NPAS3: variants seen among roughly 807,000 people sequenced by gnomAD.
NPAS3 encodes the protein neuronal PAS domain-containing protein 3.
NPAS3 carries 14 observed loss-of-function variants against 73.1 expected under a neutral mutation model. That is an observed-to-expected ratio of 0.19 (90% CI 0.13 to 0.30). NPAS3 has a LOEUF of 0.30. NPAS3 is among the 10% of genes least tolerant of loss of function. The pLI is 1.00. For synonymous variants in NPAS3, 620 were observed against 541.5 expected (o/e 1.14, Z -2.01); for missense variants, 1,096 against 1,250.0 (o/e 0.88, Z 1.86).
chr14:33,472,757 G>T (rs1594973570), intron 4 of NPAS3, among the ~76,000 whole-genome samples: 1 of 150,196 alleles, frequency 6.7e-6, no homozygotes. Context: ...CTGTGTGAAA[G>T]CAGGTTTTGC....
chr14:33,742,466 C>G (rs1014458007), intron 7 of NPAS3, among the ~76,000 whole-genome samples: 1 of 152,168 alleles, frequency 6.6e-6, no homozygotes, highest in Non-Finnish European at 1.5e-5. Flanking sequence ...AAGTGTACAA[C>G]AGCATTATTT....
intron 6 of NPAS3, among the ~76,000 whole-genome samples, chr14:33,722,841 G>A (rs556954365): frequency 6.6e-6 from 1 of 152,100 alleles, no homozygotes; most frequent in African/African-American, 2.4e-5. Context: ...GATTTAATAT[G>A]GTACTTCTAA....
intron 1 of NPAS3, among the ~76,000 whole-genome samples, chr14:32,946,018 T>A (rs28607202): frequency 0.26 from 39,134 of 152,076 alleles, 5,851 homozygotes; most frequent in Middle Eastern, 0.41. Flanking sequence ...TGAAGCATTT[T>A]TATTTTGTGA....
intron 5 of NPAS3, among the ~76,000 whole-genome samples, chr14:33,638,264 T>C (rs1388001258): frequency 6.6e-6 from 1 of 152,228 alleles, no homozygotes; most frequent in East Asian, 1.9e-4. Flanking sequence ...AATTATTTTA[T>C]ACTCATAATC....
At chr14:33,417,635 A>G (rs959528244) in intron 4 of NPAS3, among the ~76,000 whole-genome samples, 4 of 151,998 alleles carry the variant, frequency 2.6e-5, no homozygotes, top group African/African-American at 9.7e-5. Flanking sequence ...CATATTAGAC[A>G]TTACCTCTCT....
chr14:33,204,875 T>A (rs982122505), intron 2 of NPAS3, among the ~76,000 whole-genome samples: 3 of 152,020 alleles, frequency 2.0e-5, no homozygotes, highest in Non-Finnish European at 2.9e-5. Flanking sequence ...GCCCTACTAT[T>A]GCAAAAAGTA....
intron 4 of NPAS3, among the ~76,000 whole-genome samples, chr14:33,459,704 T>C (rs1396785144): frequency 1.3e-5 from 2 of 152,232 alleles, no homozygotes; most frequent in African/African-American, 4.8e-5. Flanking sequence ...TACCTGCCTC[T>C]CTTATAGCAG....
chr14:33,037,764 A>G (rs8006993), intron 1 of NPAS3, among the ~76,000 whole-genome samples: 6,205 of 152,360 alleles, frequency 0.041, 140 homozygotes, highest in East Asian at 0.059. Flanking sequence ...AGATCATTTG[A>G]AAGAATTGGT....
intron 4 of NPAS3, among the ~76,000 whole-genome samples, chr14:33,548,568 A>G (rs751271629): frequency 6.6e-6 from 1 of 152,228 alleles, no homozygotes; most frequent in Non-Finnish European, 1.5e-5. Context: ...GTGTAATGCT[A>G]TGGCTGTTAT....
At chr14:32,941,215 C>T (rs1323978473) in intron 1 of NPAS3, among the ~76,000 whole-genome samples, 1 of 59,504 alleles carries the variant, frequency 1.7e-5, no homozygotes, top group Non-Finnish European at 3.2e-5. Context: ...CTCCCCTTCC[C>T]TCCTCCCTCC....
chr14:33,709,553 G>A (rs2060758925), intron 6 of NPAS3, among the ~76,000 whole-genome samples: 1 of 152,200 alleles, frequency 6.6e-6, no homozygotes, highest in Non-Finnish European at 1.5e-5. Flanking sequence ...AGTTTGGGGA[G>A]TTGATATTAT....
At chr14:33,215,518 C>A in intron 3 of NPAS3, 92 bp downstream of exon 3, 1 of 1,381,550 alleles carries the variant, frequency 7.2e-7, no homozygotes, top group Non-Finnish European at 1.0e-6. Context: ...TCTTTTCCTG[C>A]ATATCAAATC....
chr14:33,580,548 A>G (rs1390800310), intron 5 of NPAS3, among the ~76,000 whole-genome samples: 2 of 152,168 alleles, frequency 1.3e-5, no homozygotes, highest in Admixed American at 1.3e-4. Context: ...GCAGAGGCAG[A>G]CGTACAGCCA....
At chr14:33,032,069 A>T (rs1484802075) in intron 1 of NPAS3, among the ~76,000 whole-genome samples, 1 of 152,224 alleles carries the variant, frequency 6.6e-6, no homozygotes. Flanking sequence ...GACTATGATA[A>T]AGTCTAGATT....
intron 1 of NPAS3, among the ~76,000 whole-genome samples, chr14:32,959,869 G>C (rs2036834349): frequency 6.6e-6 from 1 of 152,150 alleles, no homozygotes; most frequent in Non-Finnish European, 1.5e-5. Context: ...CCCACAAAGA[G>C]GGGATATGCT....
At chr14:33,673,749 G>A (rs1194151025) in intron 5 of NPAS3, among the ~76,000 whole-genome samples, 2 of 152,204 alleles carry the variant, frequency 1.3e-5, no homozygotes, top group African/African-American at 4.8e-5. Context: ...AATGTGAATG[G>A]TTCTCCTAGG....
At chr14:33,210,450 G>A (rs539658873) in intron 2 of NPAS3, among the ~76,000 whole-genome samples, 1 of 152,248 alleles carries the variant, frequency 6.6e-6, no homozygotes, top group African/African-American at 2.4e-5. Flanking sequence ...TAGAAGTTGA[G>A]GAGGCAGCTG....
intron 1 of NPAS3, among the ~76,000 whole-genome samples, chr14:32,975,277 G>A (rs970951065): frequency 1.1e-5 from 1 of 95,110 alleles, no homozygotes; most frequent in African/African-American, 3.6e-5. Flanking sequence ...TTCTTTGTCT[G>A]CCCTTCTATT....
Position 33,784,756 on chromosome 14 carries a change from T to A in NPAS3, c.1153+6184T>A, listed in dbSNP as rs867267830. 8.8e-5 allele frequency among the ~76,000 whole-genome samples: 11 copies of A among 124,816 alleles called. 1 individual carries two copies. Among genetic ancestry groups the A allele is most frequent in the African/African-American group, 3.1e-4 (10 of 32,266 alleles). 81.9% of individuals were successfully genotyped at this position (124,816 alleles called of 152,430 possible). On this transcript the variant is annotated intron_variant, in intron 9 of 11. Transcript: ENST00000356141. Reference sequence around the variant, plus strand: ...TTATTTATTTATTTATTTTTTTTTTTTTTTTTTTTTTGAGACAGAGTTTCA... The same window carrying A: ...TTATTTATTTATTTATTTTTTTTTTATTTTTTTTTTTGAGACAGAGTTTCA...
Sources: gnomAD v4.1 joint callset for allele counts (sites outside exome capture counted in the v4.1 genomes callset) on GRCh38, gnomAD v4.1.1 for gene constraint, MANE v1.5 for transcripts, NCBI Gene and HGNC (gene_info 2026-07-23, HGNC 2026-07-21) for gene names.